Variants in TUSC3 observed in about 807,000 individuals in gnomAD.
The protein encoded by TUSC3 is tumor suppressor candidate 3.
TUSC3 carries 45 observed loss-of-function variants against 44.8 expected under a neutral mutation model. That is an observed-to-expected ratio of 1.00 (90% CI 0.79 to 1.29). The LOEUF is 1.29. Ranked by LOEUF, TUSC3 falls within the 50% of genes most tolerant of loss-of-function variation. TUSC3 has a pLI of 0.00. For synonymous variants in TUSC3, 212 were observed against 152.9 expected (o/e 1.39, Z -2.85); for missense variants, 519 against 437.9 (o/e 1.19, Z -1.65).
At chr8:15,770,159 C>T (rs1812415646), downstream of TUSC3, among the ~76,000 whole-genome samples, 1 of 152,116 alleles carries the variant, frequency 6.6e-6, no homozygotes, top group Non-Finnish European at 1.5e-5. Flanking sequence ...TTGGAACCAA[C>T]CCAAATGTCC....
chr8:15,603,212 ATC>A (rs1804365557), intron 1 of TUSC3, among the ~76,000 whole-genome samples: 1 of 151,638 alleles, frequency 6.6e-6, no homozygotes, highest in Admixed American at 6.6e-5. Flanking sequence ...AAAATAGATA[ATC>A]TGATCAGAGT....
At chr8:15,434,980 G>C (rs1023188778) in intron 1 of TUSC3, among the ~76,000 whole-genome samples, 1 of 149,096 alleles carries the variant, frequency 6.7e-6, no homozygotes, top group Non-Finnish European at 1.5e-5. Flanking sequence ...GTTGTGAATA[G>C]TGCCGCAGTA....
At chr8:15,747,407 A>C (rs1425844591) in intron 8 of TUSC3, among the ~76,000 whole-genome samples, 1 of 151,862 alleles carries the variant, frequency 6.6e-6, no homozygotes, top group African/African-American at 2.4e-5. Context: ...GATATTTCTT[A>C]AGAGATTAAC....
At chr8:15,839,693 G>C in the TUSC3 span, among the ~76,000 whole-genome samples, 23 of 152,178 alleles carry the variant, frequency 1.5e-4, no homozygotes, top group Non-Finnish European at 2.9e-4. Context: ...TCTCACACCA[G>C]TTAGAATGGT....
At chr8:15,627,139 G>A (rs1805547501) in intron 2 of TUSC3, among the ~76,000 whole-genome samples, 1 of 152,214 alleles carries the variant, frequency 6.6e-6, no homozygotes, top group Admixed American at 6.5e-5. Flanking sequence ...GAGACAAAGA[G>A]ATGGCTAGCT....
chr8:15,778,785 C>T, the TUSC3 span, among the ~76,000 whole-genome samples: 1 of 152,152 alleles, frequency 6.6e-6, no homozygotes, highest in Non-Finnish European at 1.5e-5. Context: ...AAATTAACAT[C>T]CTTAGGCTAC....
At chr8:15,658,878 A>G (rs555448282) in intron 3 of TUSC3, among the ~76,000 whole-genome samples, 29 of 152,250 alleles carry the variant, frequency 1.9e-4, no homozygotes, top group African/African-American at 7.0e-4. Context: ...AATATAATCA[A>G]TTTAACACAG....
At chr8:15,436,096 C>T (rs1187407841) in intron 1 of TUSC3, among the ~76,000 whole-genome samples, 1 of 152,132 alleles carries the variant, frequency 6.6e-6, no homozygotes, top group African/African-American at 2.4e-5. Flanking sequence ...TGAAGTTAGC[C>T]ATGGACTGGG....
intron 1 of TUSC3, 112 bp from the exon 2 acceptor site, chr8:15,622,967 TA>T: frequency 9.3e-7 from 1 of 1,072,404 alleles, no homozygotes; most frequent in Non-Finnish European, 1.3e-6. Flanking sequence ...ATCTTTTCTA[TA>T]AACTTGGATA....
Position 15,581,926 on chromosome 8 carries a change from T to C in TUSC3, c.139-41154T>C, listed in dbSNP as rs560575291. Among the ~76,000 whole-genome samples the C allele has an allele frequency of 2.2e-4, 32 of 148,506 alleles. No individual in the cohort carries two copies. The South Asian group carries it at 6.8e-3, about 31-fold the overall frequency. On this transcript the variant is annotated intron_variant, in intron 1 of 10. Transcript: ENST00000503731. ...CCCCAGCCTCGCTGCCGCCTTGCAG[T>C]TTGATCTCAGACTGCTGTGCTAGCA...
chr8:15,526,218 A>G (rs1801371371), intron 2 of TUSC3, among the ~76,000 whole-genome samples: 1 of 152,024 alleles, frequency 6.6e-6, no homozygotes, highest in Non-Finnish European at 1.5e-5. Context: ...ATTTTTTAGT[A>G]GAGACGGGGT....
chr8:15,505,257 G>A (rs760213089), intron 2 of TUSC3, among the ~76,000 whole-genome samples: 1 of 152,154 alleles, frequency 6.6e-6, no homozygotes. Context: ...CAAACAAGAA[G>A]GCTTTGTCAA....
intron 1 of TUSC3, among the ~76,000 whole-genome samples, chr8:15,460,788 C>T (rs962191055): frequency 1.3e-5 from 2 of 152,086 alleles, no homozygotes; most frequent in African/African-American, 2.4e-5. Context: ...AAAAGGGTGT[C>T]GTTTCCCCCA....
At chr8:15,676,712 C>A (rs1259218939) in intron 6 of TUSC3, among the ~76,000 whole-genome samples, 2 of 152,154 alleles carry the variant, frequency 1.3e-5, no homozygotes, top group Non-Finnish European at 2.9e-5. Flanking sequence ...ACCTAAAATA[C>A]AAAGGACAGC....
chr8:15,568,803 A>G (rs1029068575), intron 1 of TUSC3, among the ~76,000 whole-genome samples: 2 of 152,044 alleles, frequency 1.3e-5, no homozygotes, highest in Non-Finnish European at 2.9e-5. Context: ...TCTTATTGGT[A>G]TATTTGTGTA....
intron 6 of TUSC3, among the ~76,000 whole-genome samples, chr8:15,684,577 G>C (rs1041611555): frequency 6.6e-6 from 1 of 152,198 alleles, no homozygotes; most frequent in Non-Finnish European, 1.5e-5. Context: ...CCCTGGGGAA[G>C]AAGCTGCAGC....
the TUSC3 span, among the ~76,000 whole-genome samples, chr8:15,810,457 G>A: frequency 6.6e-6 from 1 of 152,078 alleles, no homozygotes; most frequent in African/African-American, 2.4e-5. Context: ...GGGCAACATA[G>A]GGAGATGTAC....
chr8:15,514,202 C>A (rs1253713301), intron 2 of TUSC3, among the ~76,000 whole-genome samples: 2 of 152,064 alleles, frequency 1.3e-5, no homozygotes, highest in African/African-American at 2.4e-5. Context: ...TACGTAGATA[C>A]CCAGATCTGG....
chr8:15,851,896 C>T, the TUSC3 span, among the ~76,000 whole-genome samples: 3 of 152,226 alleles, frequency 2.0e-5, no homozygotes, highest in Admixed American at 1.3e-4. Context: ...AGGATTCCCC[C>T]ATACTGTTCT....
Sources: allele counts gnomAD v4.1 joint callset (sites outside exome capture counted in the v4.1 genomes callset), GRCh38; gene constraint gnomAD v4.1.1; transcripts MANE v1.5; gene names NCBI Gene and HGNC (gene_info 2026-07-23, HGNC 2026-07-21).